Variants in ADGRL4 observed in about 807,000 individuals in gnomAD.
ADGRL4 encodes the protein adhesion G protein-coupled receptor L4.
Under a neutral mutation model 74.8 loss-of-function variants are expected in ADGRL4, and 90 were observed. That is an observed-to-expected ratio of 1.20 (90% CI 1.02 to 1.43). The LOEUF (loss-of-function observed/expected upper bound fraction) is 1.43. Ranked by LOEUF, ADGRL4 falls within the 40% of genes most tolerant of loss-of-function variation. The probability of loss-of-function intolerance (pLI) is 0.00; values close to 1 mark genes in which losing one functional copy is unlikely to be tolerated. For missense variants in ADGRL4, 881 were observed against 814.3 expected (o/e 1.08, Z -1.00); for synonymous variants, 311 against 279.2 (o/e 1.11, Z -1.14).
chr1:78,969,860 G>T (rs1650135725), intron 2 of ADGRL4, among the ~76,000 whole-genome samples: 1 of 152,130 alleles, frequency 6.6e-6, no homozygotes, highest in South Asian at 2.1e-4. Flanking sequence ...GCTTCCAGCT[G>T]CAGTTCAGAA....
intron 12 of ADGRL4, among the ~76,000 whole-genome samples, chr1:78,896,869 CTTTT>C (rs1340820370): frequency 6.6e-6 from 1 of 152,096 alleles, no homozygotes; most frequent in Non-Finnish European, 1.5e-5. Context: ...ACTTCTCTAT[CTTTT>C]GACCACTTCA....
At chr1:78,975,825 T>C (rs1388815206) in intron 2 of ADGRL4, among the ~76,000 whole-genome samples, 1 of 151,798 alleles carries the variant, frequency 6.6e-6, no homozygotes, top group Non-Finnish European at 1.5e-5. Context: ...GACACAAAGT[T>C]TTGAAACACT....
intron 7 of ADGRL4, among the ~76,000 whole-genome samples, chr1:78,933,545 C>T (rs1649290679): frequency 6.6e-6 from 1 of 151,430 alleles, no homozygotes; most frequent in Admixed American, 6.6e-5. Flanking sequence ...TCTTTCACCA[C>T]TCTTATTCAA....
Position 78,938,259 on chromosome 1 carries a change from AGGTTCTTTT to A in ADGRL4, c.408_416del (p.Lys137_Pro139del). 1 of 1,602,464 alleles carries A rather than the reference AGGTTCTTTT, an allele frequency of 6.2e-7. No homozygotes were observed. The highest frequency in any genetic ancestry group is 8.5e-7 in the Non-Finnish European group (1 of 1,177,096). On this transcript the variant is annotated inframe_deletion, in exon 5 of 15. Transcript: ENST00000370742. Reference sequence around the variant, plus strand: ...TATAGACTTCTTGTAGCAAAGCCACAGGTTCTTTTATGGATCTGATCTGAGAAAAAATGA... The same window carrying A: ...TATAGACTTCTTGTAGCAAAGCCACAATGGATCTGATCTGAGAAAAAATGA...
chr1:78,921,780 C>G lies in ADGRL4; in HGVS notation c.1090G>C (p.Asp364His). Residue 364 changes from aspartate to histidine, a missense_variant, in exon 9 of 15, where the codon GAT (aspartate) becomes CAT (histidine). Coordinates refer to ENST00000370742, the MANE Select transcript of ADGRL4 (RefSeq NM_022159.4). ...AATGCACATAGACTCCTATACCTAT[C>G]TGTGACCTGAAAAAAAGATACTTTA... The part of the protein sequence containing the change: ...TFTLSHRKVT[D>H]RYRSLCAFWN... The G allele has an allele frequency of 6.8e-7, 1 of 1,476,218 alleles. No individual in the cohort carries two copies. The highest frequency in any genetic ancestry group is 2.6e-5 in the East Asian group (1 of 38,852). The allele number at this position is 1,476,218 out of a possible 1,614,324, so 91.4% of individuals were successfully genotyped here.
At chr1:78,906,843 A>G (rs1342271897) in intron 12 of ADGRL4, among the ~76,000 whole-genome samples, 4 of 152,008 alleles carry the variant, frequency 2.6e-5, no homozygotes, top group Admixed American at 2.0e-4. Context: ...ATTATTGCCA[A>G]TTTAATTTTT....
intron 2 of ADGRL4, among the ~76,000 whole-genome samples, chr1:78,991,092 C>A (rs1373922302): frequency 3.9e-5 from 6 of 151,960 alleles, no homozygotes; most frequent in Non-Finnish European, 7.4e-5. Flanking sequence ...ACATTCCTTC[C>A]CCATGCTAGT....
intron 2 of ADGRL4, among the ~76,000 whole-genome samples, chr1:78,993,591 T>A (rs1650653895): frequency 6.6e-6 from 1 of 150,582 alleles, no homozygotes; most frequent in African/African-American, 2.4e-5. Context: ...TTTTTTGAGA[T>A]GGAGTCTCGC....
rs769307221 is a variant in ADGRL4 at position 78,926,869 on chromosome 1, C to G, written c.1083+17G>C. On this transcript the variant is annotated intron_variant, in intron 8 of 14. Coordinates refer to ENST00000370742, the MANE Select transcript of ADGRL4 (RefSeq NM_022159.4). Reference sequence around the variant, plus strand: ...GTATCACAATCATAGCCAATAACTACCAGAAAAACAGCTTACCTTTCGATG... The same window carrying G: ...GTATCACAATCATAGCCAATAACTAGCAGAAAAACAGCTTACCTTTCGATG... The G allele has an allele frequency of 4.4e-6, 7 of 1,580,144 alleles. No individual in the cohort carries two copies. In the African/African-American group the frequency reaches 9.5e-5, roughly 21 times the overall value.
rs2100702298 is a variant in ADGRL4 at position 78,954,514 on chromosome 1, A to G, written c.173-8088T>C. On this transcript the variant is annotated intron_variant, in intron 2 of 14. Coordinates refer to ENST00000370742, the MANE Select transcript of ADGRL4 (RefSeq NM_022159.4). Reference sequence around the variant, plus strand: ...TATCAACTGTTACACTAAATGAGGAAGACATGCATTTCCCCATAAGACACA... The same window carrying G: ...TATCAACTGTTACACTAAATGAGGAGGACATGCATTTCCCCATAAGACACA... 2.0e-5 allele frequency among the ~76,000 whole-genome samples: 3 copies of G among 152,304 alleles called. No individual in the cohort carries two copies. In the Middle Eastern group the frequency reaches 0.01, roughly 518 times the overall value.
In ADGRL4 at chr1:78,953,787, C is replaced by A. The variant is rs1358010020; in HGVS notation, c.173-7361G>T. On this transcript the variant is annotated intron_variant, in intron 2 of 14. Coordinates refer to ENST00000370742, the MANE Select transcript of ADGRL4 (RefSeq NM_022159.4). The stretch of plus-strand genomic sequence containing the variant: ...TTCAAATAGATGATGACTGTGTGAT[C>A]ATGAACACATAACACAAGTGCTAAT... 5.3e-5 allele frequency among the ~76,000 whole-genome samples: 8 copies of A among 152,280 alleles called. 1 individual carries two copies. The South Asian group carries it at 1.2e-3, about 24-fold the overall frequency.
Position 78,927,007 on chromosome 1 carries a change from T to C in ADGRL4, c.962A>G (p.Asn321Ser). 6.2e-7 allele frequency: 1 copy of C among 1,611,612 alleles called. No homozygotes were observed. Among genetic ancestry groups the C allele is most frequent in the Non-Finnish European group, 8.5e-7 (1 of 1,178,400 alleles). The change falls in exon 8 of 15, where the codon AAT becomes AGT. Residue 321 changes from asparagine (N) to serine (S), a missense_variant. Physicochemically the swap from Asn to Ser is conservative, Grantham distance 46. Transcript: ENST00000370742. ...TTCCTCCTCTTCAGAATTATCATAA[T>C]TTTGAGGTTTCAATAAGAAGTTGTC... ...SSDNFLLKPQ[N>S]YDNSEEEERV...
In ADGRL4 at chr1:79,004,224, T is replaced by G. The variant is rs927752407; in HGVS notation, c.172+846A>C. On this transcript the variant is annotated intron_variant, in intron 2 of 14. Transcript: ENST00000370742. ...CCCCACAGCTATAATTTTAACTTGC[T>G]ATTTAATTATATTTTAAAACTAATT... is the stretch of plus-strand genomic sequence containing the variant. Among the ~76,000 whole-genome samples, 35 of 152,120 alleles carry G rather than the reference T, an allele frequency of 2.3e-4. 1 individual carries two copies. Among genetic ancestry groups the G allele is most frequent in the Non-Finnish European group, 7.4e-5 (5 of 67,994 alleles).
intron 12 of ADGRL4, among the ~76,000 whole-genome samples, chr1:78,897,718 C>G (rs1301708343): frequency 1.3e-5 from 2 of 152,058 alleles, no homozygotes; most frequent in Non-Finnish European, 2.9e-5. Flanking sequence ...TCTTTCATTA[C>G]TCAAAATTTC....
chr1:78,912,594 G>A (rs1389251420), intron 12 of ADGRL4, among the ~76,000 whole-genome samples: 1 of 151,714 alleles, frequency 6.6e-6, no homozygotes, highest in Non-Finnish European at 1.5e-5. Context: ...CCACAAAACT[G>A]GTCCCTGGTG....
At chr1:78,973,295 A>G (rs1213069855) in intron 2 of ADGRL4, among the ~76,000 whole-genome samples, 6 of 152,086 alleles carry the variant, frequency 3.9e-5, no homozygotes. Flanking sequence ...AGCATTATAT[A>G]TAAGCTATAC....
Position 78,937,917 on chromosome 1 carries a change from T to G in ADGRL4, c.650A>C (p.His217Pro), listed in dbSNP as rs552573401. The change falls in exon 6 of 15, where the codon CAT (histidine) becomes CCT (proline). Residue 217 changes from histidine to proline, a missense_variant. His to Pro is a moderately conservative substitution (Grantham distance 77). Coordinates refer to ENST00000370742, the MANE Select transcript of ADGRL4 (RefSeq NM_022159.4). ...GAGTTTTGTAAGATGTGTTCTCCTA[T>G]GATTCACAGATAACTTGTCCCAAAC... ...FVVWDKLSVN[H>P]RRTHLTKLMH... 1 of 1,613,998 alleles carries G rather than the reference T, an allele frequency of 6.2e-7. No individual in the cohort carries two copies. The highest frequency in any genetic ancestry group is 1.1e-5 in the South Asian group (1 of 91,076).
chr1:78,941,825 A>AC (rs1649488768), intron 3 of ADGRL4, among the ~76,000 whole-genome samples: 1 of 152,128 alleles, frequency 6.6e-6, no homozygotes, highest in African/African-American at 2.4e-5. Flanking sequence ...AGTCTCCGGG[A>AC]TTGCTAATTA....
chr1:78,942,482 A>G (rs1649507537), intron 3 of ADGRL4, among the ~76,000 whole-genome samples: 1 of 152,158 alleles, frequency 6.6e-6, no homozygotes. Flanking sequence ...TGAAAGCTAA[A>G]TCTCTGTTAG....
Sources: gnomAD v4.1 joint callset for allele counts (sites outside exome capture counted in the v4.1 genomes callset) on GRCh38, gnomAD v4.1.1 for gene constraint, MANE v1.5 for transcripts, NCBI Gene and HGNC (gene_info 2026-07-23, HGNC 2026-07-21) for gene names.